The following EREG variants were observed in gnomAD, a reference collection of about 807,000 sequenced individuals.
EREG encodes the protein proepiregulin.
Under a neutral mutation model 22.4 loss-of-function variants are expected in EREG, and 23 were observed. That is an observed-to-expected ratio of 1.03 (90% CI 0.74 to 1.46). EREG has a LOEUF of 1.46. Ranked by LOEUF, EREG falls within the 40% of genes most tolerant of loss-of-function variation. The pLI, the probability that EREG is intolerant of heterozygous loss-of-function variation, is 0.00. For missense variants in EREG, 226 were observed against 205.9 expected (o/e 1.10, Z -0.60); for synonymous variants, 100 against 75.4 (o/e 1.33, Z -1.69).
rs140211170 is a variant in EREG, at chr4:74,365,307, C to T, written c.-2C>T. The stretch of plus-strand genomic sequence containing the variant: ...AAGCCCCAGCGCCCGCTCCCATCGC[C>T]GATGACCGCGGGGAGGAGGATGGAG... On this transcript the variant is annotated 5_prime_UTR_variant, in exon 1 of 5. Coordinates refer to ENST00000244869, the MANE Select transcript of EREG (RefSeq NM_001432.3). 1.2e-5 allele frequency: 20 copies of T among 1,603,654 alleles called. No homozygotes were observed. In the African/African-American group the frequency reaches 2.4e-4, roughly 19 times the overall value.
Position 74,384,941 on chromosome 4 carries a change from G to C in EREG, c.*133G>C, listed in dbSNP as rs1752545952. ...CTGTATTTTAATGTACTTGAAAAATGTTTTTATTTTTGTTTTATTTTTGAC... is the reference window on the plus strand; with the variant it reads ...CTGTATTTTAATGTACTTGAAAAATCTTTTTATTTTTGTTTTATTTTTGAC... On this transcript the variant is annotated 3_prime_UTR_variant, in exon 5 of 5. Transcript: ENST00000244869. The C allele has an allele frequency of 2.1e-6, 1 of 480,342 alleles. No individual in the cohort carries two copies. Among genetic ancestry groups the C allele is most frequent in the African/African-American group, 2.0e-5 (1 of 50,722 alleles). 29.8% of individuals were successfully genotyped at this position (480,342 alleles called of 1,614,324 possible). A position where few individuals can be genotyped will look rare whatever the true frequency, so the allele number is the denominator to read the frequency against.
Position 74,382,742 on chromosome 4 carries a change from ATTATT to A in EREG, c.379_383del (p.Ile127ValfsTer22). On this transcript the variant is annotated frameshift_variant, in exon 4 of 5. Coordinates refer to ENST00000244869, the MANE Select transcript of EREG (RefSeq NM_001432.3). LOFTEE classifies it high-confidence loss of function. ...ATATGTGGCTTTGACCGTGATTCTT[ATTATT>A]TTGTTTCTTATCACAGTCGTCGGTT... 1 of 1,613,752 alleles carries A rather than the reference ATTATT, an allele frequency of 6.2e-7. No homozygotes were observed.
At chr4:74,371,805 C>CA (rs1318749982) in intron 1 of EREG, among the ~76,000 whole-genome samples, 2 of 151,834 alleles carry the variant, frequency 1.3e-5, no homozygotes, top group Non-Finnish European at 2.9e-5. Flanking sequence ...AATGCCACCA[C>CA]AAGCCTGCTG....
At chr4:74,376,694 A>T (rs990574496) in intron 1 of EREG, among the ~76,000 whole-genome samples, 3 of 152,216 alleles carry the variant, frequency 2.0e-5, no homozygotes, top group African/African-American at 7.2e-5. Flanking sequence ...TGGGGAGGGG[A>T]TAATTCTGAA....
intron 1 of EREG, 152 bp from the exon 2 acceptor site, chr4:74,379,296 G>A: frequency 3.8e-6 from 2 of 531,982 alleles, no homozygotes; most frequent in Non-Finnish European, 6.9e-6. Flanking sequence ...TCTGTTACAT[G>A]CCTGTTTCCA....
At chr4:74,368,468 T>C (rs1752227526) in intron 1 of EREG, among the ~76,000 whole-genome samples, 1 of 152,220 alleles carries the variant, frequency 6.6e-6, no homozygotes, top group Non-Finnish European at 1.5e-5. Flanking sequence ...TATATTATTG[T>C]GAATTGGATA....
intron 2 of EREG, among the ~76,000 whole-genome samples, chr4:74,379,750 G>A (rs1161730298): frequency 1.3e-5 from 2 of 152,152 alleles, no homozygotes; most frequent in African/African-American, 4.8e-5. Context: ...ACACAGATTT[G>A]ATTGTGAAGA....
intron 2 of EREG, among the ~76,000 whole-genome samples, chr4:74,380,799 T>G (rs932826547): frequency 1.3e-5 from 2 of 152,232 alleles, no homozygotes; most frequent in Non-Finnish European, 1.5e-5. Flanking sequence ...CTTCTTTTGT[T>G]TAGTCTGTTG....
intron 1 of EREG, among the ~76,000 whole-genome samples, chr4:74,377,890 G>A (rs1020987984): frequency 2.0e-4 from 30 of 152,270 alleles, no homozygotes; most frequent in African/African-American, 7.0e-4. Flanking sequence ...TGGGGATTAC[G>A]GGTCCCTCTC....
chr4:74,384,487 A>G (rs1752534865), intron 4 of EREG, among the ~76,000 whole-genome samples: 1 of 152,126 alleles, frequency 6.6e-6, no homozygotes. Flanking sequence ...TGATCACGTT[A>G]AAGACTTTGA....
chr4:74,365,376 G>C lies in EREG; in HGVS notation c.67+1G>C. 6.2e-7 allele frequency: 1 copy of C among 1,611,974 alleles called. No individual in the cohort carries two copies. Among genetic ancestry groups the C allele is most frequent in the Non-Finnish European group, 8.5e-7 (1 of 1,179,914 alleles). ...GTCCCTGCGCTGCTGCTCTGCCTGG[G>C]TAAGTTCTCCCCCTCTGGCTTCCGG... is the stretch of plus-strand genomic sequence containing the variant. On this transcript the variant is annotated splice_donor_variant, in intron 1 of 4. Coordinates refer to ENST00000244869, the MANE Select transcript of EREG (RefSeq NM_001432.3). LOFTEE classifies it high-confidence loss of function.
intron 1 of EREG, among the ~76,000 whole-genome samples, chr4:74,375,146 C>T (rs1391618050): frequency 1.3e-5 from 2 of 151,716 alleles, no homozygotes; most frequent in African/African-American, 4.9e-5. Context: ...AATCTACTGT[C>T]AAGAATGAAA....
intron 4 of EREG, among the ~76,000 whole-genome samples, chr4:74,383,552 A>AT (rs1288979559): frequency 1.3e-5 from 2 of 152,142 alleles, no homozygotes; most frequent in East Asian, 3.8e-4. Context: ...ATAGTTTGGC[A>AT]TTTTTTTAAG....
chr4:74,369,292 C>G (rs1231532441), intron 1 of EREG, among the ~76,000 whole-genome samples: 4 of 151,922 alleles, frequency 2.6e-5, no homozygotes, highest in African/African-American at 9.7e-5. Context: ...TTTTCAATCC[C>G]TAGCCCACCT....
chr4:74,371,857 G>T (rs1374325880), intron 1 of EREG, among the ~76,000 whole-genome samples: 3 of 142,502 alleles, frequency 2.1e-5, no homozygotes, highest in African/African-American at 5.1e-5. Flanking sequence ...AGCATTCTCT[G>T]TTTTTTTTTT....
intron 1 of EREG, among the ~76,000 whole-genome samples, chr4:74,373,867 C>A (rs1301127304): frequency 2.0e-5 from 3 of 151,614 alleles, no homozygotes; most frequent in East Asian, 3.9e-4. Flanking sequence ...GTTATTTTGA[C>A]CAAGGTGAAG....
intron 2 of EREG, 26 bp downstream of exon 2, chr4:74,379,560 A>G: frequency 7.9e-7 from 1 of 1,269,102 alleles, no homozygotes; most frequent in Non-Finnish European, 1.2e-6. Context: ...TCAATGTGGC[A>G]TCAAGAGACT....
intron 1 of EREG, among the ~76,000 whole-genome samples, chr4:74,373,555 G>T (rs1578818301): frequency 6.6e-6 from 1 of 150,380 alleles, no homozygotes; most frequent in Non-Finnish European, 1.5e-5. Flanking sequence ...TATAGGAATA[G>T]AATTATTACT....
intron 1 of EREG, among the ~76,000 whole-genome samples, chr4:74,374,455 T>C (rs1752344346): frequency 6.6e-6 from 1 of 152,152 alleles, no homozygotes; most frequent in African/African-American, 2.4e-5. Flanking sequence ...GGAGGATCAT[T>C]GAGCCCAGGG....
Sources: gnomAD v4.1 joint callset for allele counts (sites outside exome capture counted in the v4.1 genomes callset) on GRCh38, gnomAD v4.1.1 for gene constraint, MANE v1.5 for transcripts, NCBI Gene and HGNC (gene_info 2026-07-23, HGNC 2026-07-21) for gene names.